The following GPR137C variants were observed in gnomAD, a reference collection of about 807,000 sequenced individuals.
The protein encoded by GPR137C is integral membrane protein GPR137C.
GPR137C carries 27 observed loss-of-function variants against 43.4 expected under a neutral mutation model. The ratio of observed to expected loss-of-function variants is 0.62; its 90% CI spans 0.46 to 0.86. The LOEUF is 0.86. Ranked by LOEUF, GPR137C falls within the 40% of genes least tolerant of loss-of-function variation. The pLI, the probability that GPR137C is intolerant of heterozygous loss-of-function variation, is 0.00. For missense variants in GPR137C, 522 were observed against 534.6 expected (o/e 0.98, Z 0.23); for synonymous variants, 285 against 226.9 (o/e 1.26, Z -2.30).
chr14:52,567,284 C>T (rs2038385610), intron 1 of GPR137C, among the ~76,000 whole-genome samples: 1 of 152,048 alleles, frequency 6.6e-6, no homozygotes. Context: ...TAGAATAATA[C>T]TTTAAATAGC....
intron 3 of GPR137C, among the ~76,000 whole-genome samples, chr14:52,601,488 G>A (rs1484826490): frequency 6.6e-6 from 1 of 150,518 alleles, no homozygotes; most frequent in Non-Finnish European, 1.5e-5. Flanking sequence ...ATGTGTGTGT[G>A]TGTGTGTGTG....
At position 52,552,875 on chromosome 14, in the gene GPR137C, T is replaced by G. The variant is rs1012933272; in HGVS notation, c.-273T>G. 5.9e-5 allele frequency among the ~76,000 whole-genome samples: 9 copies of G among 151,546 alleles called. No individual in the cohort carries two copies. The highest frequency in any genetic ancestry group is 1.3e-4 in the Non-Finnish European group (9 of 67,910). On this transcript the variant is annotated 5_prime_UTR_variant, in exon 1 of 7. An upstream open reading frame in the 5' UTR loses its in-frame stop. Transcript: ENST00000321662. ...GCCTCAAATGCTCGGGTTTCTCAGC[T>G]GATTGTCTCCAGCCGAGAGTTGTTT...
intron 3 of GPR137C, among the ~76,000 whole-genome samples, chr14:52,630,029 C>T (rs1489550582): frequency 3.3e-5 from 5 of 152,066 alleles, no homozygotes; most frequent in African/African-American, 7.2e-5. Context: ...AGGTTTTCTT[C>T]GACTTTCGAT....
At chr14:52,562,228 A>G (rs2038296466) in intron 1 of GPR137C, among the ~76,000 whole-genome samples, 1 of 152,206 alleles carries the variant, frequency 6.6e-6, no homozygotes, top group Non-Finnish European at 1.5e-5. Flanking sequence ...GCTCTATGTA[A>G]CTTGGTTAAG....
At chr14:52,617,890 T>C (rs1416023003) in intron 3 of GPR137C, among the ~76,000 whole-genome samples, 1 of 152,170 alleles carries the variant, frequency 6.6e-6, no homozygotes. Context: ...AAGGTTGTTG[T>C]AAGGATTAAA....
chr14:52,584,784 A>G (rs957902289), intron 1 of GPR137C, among the ~76,000 whole-genome samples: 1 of 152,100 alleles, frequency 6.6e-6, no homozygotes, highest in African/African-American at 2.4e-5. Flanking sequence ...GATTGATTGC[A>G]GAGACAGAGC....
At chr14:52,567,692 C>A (rs1482796681) in intron 1 of GPR137C, among the ~76,000 whole-genome samples, 3 of 149,466 alleles carry the variant, frequency 2.0e-5, no homozygotes, top group Non-Finnish European at 4.4e-5. Flanking sequence ...CAGAGAATCG[C>A]CCTGTTACCC....
chr14:52,585,613 C>G (rs1453769086), intron 1 of GPR137C, among the ~76,000 whole-genome samples: 1 of 152,192 alleles, frequency 6.6e-6, no homozygotes, highest in East Asian at 1.9e-4. Context: ...GCGGGTGGAT[C>G]ACTTGAGGTC....
chr14:52,631,683 A>G (rs192505590), intron 3 of GPR137C, among the ~76,000 whole-genome samples: 8 of 152,150 alleles, frequency 5.3e-5, no homozygotes, highest in African/African-American at 7.2e-5. Flanking sequence ...TGTAGCATCA[A>G]TAGGGGACTA....
chr14:52,637,217 AC>A lies in GPR137C; in HGVS notation c.*2103del, dbSNP rs1392933132. Reference sequence around the variant, plus strand: ...ATACACATCTAACATATCACCAAAGACAAATAAAGATACACTCTGGCCCAAT... The same window carrying A: ...ATACACATCTAACATATCACCAAAGAAAATAAAGATACACTCTGGCCCAAT... On this transcript the variant is annotated 3_prime_UTR_variant, in exon 7 of 7. Coordinates refer to ENST00000321662, the MANE Select transcript of GPR137C (RefSeq NM_001099652.2). The A allele has an allele frequency of 6.6e-6, 1 of 152,146 alleles. No individual in the cohort carries two copies. Among genetic ancestry groups the A allele is most frequent in the Non-Finnish European group, 1.5e-5 (1 of 67,992 alleles). 9.4% of individuals were successfully genotyped at this position (152,146 alleles called of 1,614,324 possible).
intron 1 of GPR137C, among the ~76,000 whole-genome samples, chr14:52,569,623 G>C (rs566783956): frequency 6.6e-6 from 1 of 151,868 alleles, no homozygotes; most frequent in African/African-American, 2.4e-5. Flanking sequence ...CTGAAAAACA[G>C]CATGAGAACT....
intron 1 of GPR137C, among the ~76,000 whole-genome samples, chr14:52,593,772 A>G (rs988411078): frequency 8.0e-6 from 1 of 124,586 alleles, no homozygotes; most frequent in African/African-American, 3.2e-5. Flanking sequence ...TGATCTTTCA[A>G]AAAACCAGCT....
chr14:52,569,891 T>C (rs565478135), intron 1 of GPR137C, among the ~76,000 whole-genome samples: 5 of 151,438 alleles, frequency 3.3e-5, no homozygotes, highest in African/African-American at 9.8e-5. Flanking sequence ...AAACACTCTT[T>C]AGGATATTAT....
At chr14:52,608,996 T>C (rs2039010856) in intron 3 of GPR137C, among the ~76,000 whole-genome samples, 1 of 152,194 alleles carries the variant, frequency 6.6e-6, no homozygotes, top group Admixed American at 6.5e-5. Context: ...TTTTCTGTTA[T>C]TATTTCTTCA....
At chr14:52,601,472 G>A (rs2038922964) in intron 3 of GPR137C, among the ~76,000 whole-genome samples, 1 of 146,856 alleles carries the variant, frequency 6.8e-6, no homozygotes, top group African/African-American at 2.5e-5. Context: ...TGCTGGGGGA[G>A]ATATTATGTG....
chr14:52,607,983 C>G (rs751362873), intron 3 of GPR137C, among the ~76,000 whole-genome samples: 33 of 152,150 alleles, frequency 2.2e-4, no homozygotes, highest in Non-Finnish European at 3.5e-4. Flanking sequence ...CATCCCCTCA[C>G]TTTCAGTGTA....
chr14:52,598,256 T>G lies in GPR137C; in HGVS notation c.445-16T>G. ...TTACACGTTTTCAAAATTTTTTTTT[T>G]ATATTCTCTTTATAGGTTATATGTA... On this transcript the variant is annotated splice_polypyrimidine_tract_variant and intron_variant, in intron 1 of 6. Coordinates refer to ENST00000321662, the MANE Select transcript of GPR137C (RefSeq NM_001099652.2). 8.3e-7 allele frequency: 1 copy of G among 1,208,318 alleles called. No individual in the cohort carries two copies. The highest frequency in any genetic ancestry group is 1.1e-6 in the Non-Finnish European group (1 of 879,636). 74.8% of individuals were successfully genotyped at this position (1,208,318 alleles called of 1,614,324 possible).
rs191804213 is a variant in GPR137C, at chr14:52,594,024, G to A, written c.445-4248G>A. ...AAATGTGTCCCAGAAATTCTGGTAC[G>A]ATGTGTCTTTGTTCTCATTGGTTTC... On this transcript the variant is annotated intron_variant, in intron 1 of 6. Coordinates refer to ENST00000321662, the MANE Select transcript of GPR137C (RefSeq NM_001099652.2). Among the ~76,000 whole-genome samples, 7 of 152,278 alleles carry A rather than the reference G, an allele frequency of 4.6e-5. No homozygotes were observed. The East Asian group carries it at 9.6e-4, about 21-fold the overall frequency.
intron 1 of GPR137C, among the ~76,000 whole-genome samples, chr14:52,576,416 C>T (rs1594786384): frequency 6.6e-6 from 1 of 152,174 alleles, no homozygotes; most frequent in East Asian, 1.9e-4. Context: ...ATGAATAGTG[C>T]TGTGATAAAT....
Sources: gnomAD v4.1 joint callset for allele counts (sites outside exome capture counted in the v4.1 genomes callset) on GRCh38, gnomAD v4.1.1 for gene constraint, MANE v1.5 for transcripts, NCBI Gene and HGNC (gene_info 2026-07-23, HGNC 2026-07-21) for gene names.